Variants in PHF14 observed in about 807,000 individuals in gnomAD.
PHF14 encodes PHD finger protein 14.
Under a neutral mutation model 117.9 loss-of-function variants are expected in PHF14, and 55 were observed. The ratio of observed to expected loss-of-function variants is 0.47; its 90% confidence interval spans 0.38 to 0.58. PHF14 has a LOEUF of 0.58. PHF14 is among the 20% of genes least tolerant of loss of function. The pLI, the probability that PHF14 is intolerant of heterozygous loss-of-function variation, is 0.00. For missense variants in PHF14, 978 were observed against 1,122.2 expected (o/e 0.87, Z 1.84); for synonymous variants, 409 against 368.6 (o/e 1.11, Z -1.26).
At chr7:11,005,343 T>C (rs1445998093) in intron 4 of PHF14, among the ~76,000 whole-genome samples, 1 of 152,216 alleles carries the variant, frequency 6.6e-6, no homozygotes, top group Non-Finnish European at 1.5e-5. Flanking sequence ...TTCCCCTTTT[T>C]TTCCTTTTCA....
chr7:11,038,912 A>G (rs1784408420), intron 11 of PHF14, 57 bp downstream of exon 11: 1 of 770,626 alleles, frequency 1.3e-6, no homozygotes, highest in Non-Finnish European at 2.1e-6. Context: ...ATGATTTTCA[A>G]AGAACAGATT....
rs573671934 is a variant in PHF14 at position 11,166,726 on chromosome 7, G to T, written c.2773-2690G>T. Among the ~76,000 whole-genome samples the T allele has an allele frequency of 2.2e-4, 33 of 152,082 alleles. No homozygotes were observed. In the South Asian group the frequency reaches 6.7e-3, roughly 31 times the overall value. ...CTTCATAATGCTTTTCTGCACCTAG[G>T]TTACAGCTATCCTTCTAAAAGGAAG... On this transcript the variant is annotated intron_variant, in intron 17 of 17. Coordinates refer to ENST00000634607, the MANE Select transcript of PHF14 (RefSeq NM_001007157.2).
chr7:11,015,812 C>G (rs1783514875), intron 5 of PHF14, among the ~76,000 whole-genome samples: 1 of 150,242 alleles, frequency 6.7e-6, no homozygotes, highest in Non-Finnish European at 1.5e-5. Context: ...AGTATTAGCT[C>G]ATGCATAGAT....
At chr7:11,093,419 G>A (rs1213379527) in intron 16 of PHF14, among the ~76,000 whole-genome samples, 1 of 152,044 alleles carries the variant, frequency 6.6e-6, no homozygotes, top group Admixed American at 6.6e-5. Context: ...AGTTGAGCTG[G>A]GCTTATATTT....
chr7:11,090,135 C>A (rs148258750), intron 16 of PHF14, among the ~76,000 whole-genome samples: 366 of 152,254 alleles, frequency 2.4e-3, no homozygotes, highest in African/African-American at 8.3e-3. Context: ...TGCATGAAGC[C>A]TCAAGTGTGA....
intron 17 of PHF14, among the ~76,000 whole-genome samples, chr7:11,121,245 C>T (rs988621031): frequency 6.6e-6 from 1 of 152,058 alleles, no homozygotes; most frequent in African/African-American, 2.4e-5. Flanking sequence ...TTTCACATTC[C>T]TTGTTGAGTC....
chr7:11,102,362 C>T (rs900153020), intron 16 of PHF14: 19 of 1,007,116 alleles, frequency 1.9e-5, no homozygotes, highest in Non-Finnish European at 2.7e-5. Context: ...GTATCTATCT[C>T]TTTGGACCAG....
chr7:11,042,375 C>T (rs866195628), intron 12 of PHF14, among the ~76,000 whole-genome samples: 2 of 151,694 alleles, frequency 1.3e-5, no homozygotes, highest in African/African-American at 4.8e-5. Flanking sequence ...TAAGTAATAA[C>T]TAAAATTAAA....
chr7:10,996,165 A>T (rs1410687624), intron 4 of PHF14, among the ~76,000 whole-genome samples: 1 of 152,222 alleles, frequency 6.6e-6, no homozygotes, highest in African/African-American at 2.4e-5. Flanking sequence ...TTTTGGAAGG[A>T]TCACTCAGAC....
chr7:11,005,573 C>T (rs1216253179), intron 4 of PHF14, among the ~76,000 whole-genome samples: 2 of 152,132 alleles, frequency 1.3e-5, no homozygotes, highest in African/African-American at 4.8e-5. Context: ...TTTTCTACAA[C>T]TTGCTTTGTT....
chr7:11,036,653 C>T lies in PHF14; in HGVS notation c.1838C>T (p.Pro613Leu), dbSNP rs2128322393. 6.2e-7 allele frequency: 1 copy of T among 1,613,780 alleles called. No homozygotes were observed. The highest frequency in any genetic ancestry group is 8.5e-7 in the Non-Finnish European group (1 of 1,179,756). The change falls in exon 9 of 18, where the codon CCA (proline) becomes CTA (leucine). Residue 613 changes from proline (P) to leucine (L), a missense_variant. This residue lies in a region of PHF14 where 237 missense variants were observed against 276.4 expected (regional missense o/e 0.86). Coordinates refer to ENST00000634607, the MANE Select transcript of PHF14 (RefSeq NM_001007157.2). ...SVDGRRKHKQ[P>L]ALTADFVNYY... ...GATGGAAGGAGAAAACATAAGCAAC[C>T]AGCTCTCACTGCAGATTTTGTGAAT...
chr7:11,099,086 AGCCCAGCT>A (rs1376115926), intron 16 of PHF14, among the ~76,000 whole-genome samples: 3 of 152,140 alleles, frequency 2.0e-5, no homozygotes, highest in Non-Finnish European at 4.4e-5. Context: ...TAATGAGTGT[AGCCCAGCT>A]GCCACTGAAT....
rs180760202 is a variant in PHF14 at position 11,040,645 on chromosome 7, A to G, written c.2077-27A>G. The G allele has an allele frequency of 5.8e-4, 720 of 1,232,668 alleles. 2 individuals carry two copies. The African/African-American group carries it at 8.4e-3, about 14-fold the overall frequency. 76.4% of individuals were successfully genotyped at this position (1,232,668 alleles called of 1,614,324 possible). ...GCTTTTATTTCTTTCTTAAAACAAT[A>G]TATACTACATTTGTTCAAATCAATA... On this transcript the variant is annotated intron_variant, in intron 11 of 17. Coordinates refer to ENST00000634607, the MANE Select transcript of PHF14 (RefSeq NM_001007157.2).
intron 3 of PHF14, among the ~76,000 whole-genome samples, chr7:10,989,833 G>T (rs1416249063): frequency 4.6e-5 from 7 of 152,108 alleles, no homozygotes; most frequent in African/African-American, 1.4e-4. Flanking sequence ...ATCTCACTGT[G>T]TTGCCCAGGC....
At chr7:11,035,245 G>T (rs1052318634) in intron 7 of PHF14, among the ~76,000 whole-genome samples, 6 of 152,226 alleles carry the variant, frequency 3.9e-5, no homozygotes, top group Middle Eastern at 3.4e-3. Context: ...GAGAATGCAT[G>T]TAAACTAGAT....
intron 17 of PHF14, among the ~76,000 whole-genome samples, chr7:11,129,548 CTT>C (rs71023891): frequency 0.026 from 3,506 of 133,422 alleles, 43 homozygotes; most frequent in Middle Eastern, 0.053. Flanking sequence ...GTGTATGTTT[CTT>C]TTTTTTTTTT....
At position 10,998,989 on chromosome 7, in the gene PHF14, T is replaced by G. The variant is rs143018028; in HGVS notation, c.1045+8142T>G. On this transcript the variant is annotated intron_variant, in intron 4 of 17. Coordinates refer to ENST00000634607, the MANE Select transcript of PHF14 (RefSeq NM_001007157.2). The stretch of plus-strand genomic sequence containing the variant: ...TTGCTAACATTTAGACATTGGGAAA[T>G]CGTACACATTTAGGATTTCAAGCTT... 5.9e-5 allele frequency among the ~76,000 whole-genome samples: 9 copies of G among 152,276 alleles called. No individual in the cohort carries two copies. The East Asian group carries it at 1.7e-3, about 29-fold the overall frequency.
At chr7:10,994,816 C>T (rs547613042) in intron 4 of PHF14, among the ~76,000 whole-genome samples, 57 of 152,216 alleles carry the variant, frequency 3.7e-4, no homozygotes, top group African/African-American at 1.3e-3. Flanking sequence ...AGTGTTACAG[C>T]TCATAAAGGC....
At chr7:11,107,552 T>G in intron 16 of PHF14, 1 of 876,056 alleles carries the variant, frequency 1.1e-6, no homozygotes, top group East Asian at 1.2e-4. Flanking sequence ...ATTAGAGGCT[T>G]AAATGATACT....
Sources: allele counts gnomAD v4.1 joint callset (sites outside exome capture counted in the v4.1 genomes callset), GRCh38; gene constraint gnomAD v4.1.1; regional missense constraint gnomAD v4.1.1; transcripts MANE v1.5; gene names NCBI Gene and HGNC (gene_info 2026-07-23, HGNC 2026-07-21).